Variants in ATP8B2 observed in about 807,000 individuals in gnomAD.
The protein encoded by ATP8B2 is phospholipid-transporting ATPase ID.
A neutral mutation model predicts 133.4 loss-of-function variants in ATP8B2; 70 were observed. The ratio of observed to expected loss-of-function variants is 0.52; its 90% CI spans 0.43 to 0.64. The LOEUF (loss-of-function observed/expected upper bound fraction) is 0.64. Among genes scored for constraint, ATP8B2 ranks in the 30% least tolerant of loss-of-function variants. The probability of loss-of-function intolerance (pLI) is 0.00; values close to 1 mark genes in which losing one functional copy is unlikely to be tolerated. For synonymous variants in ATP8B2, 517 were observed against 589.5 expected (o/e 0.88, Z 1.78); for missense variants, 1,101 against 1,535.7 (o/e 0.72, Z 4.73).
At position 154,325,589 on chromosome 1, in the gene ATP8B2, C is replaced by T. The variant is rs915627217; in HGVS notation, c.-151C>T. 1 of 151,908 alleles carries T rather than the reference C, an allele frequency of 6.6e-6. No homozygotes were observed. The highest frequency in any genetic ancestry group is 2.4e-5 in the African/African-American group (1 of 41,392). The allele number at this position is 151,908 out of a possible 1,614,324, so 9.4% of individuals were successfully genotyped here. On this transcript the variant is annotated 5_prime_UTR_variant, in exon 1 of 28. Transcript: ENST00000368489. Reference sequence around the variant, plus strand: ...GGGCCGAGGCCCCGGGGGAGCGGGGCCGCAGCTGGGGGGGCGGGAGCCCGT... The same window carrying T: ...GGGCCGAGGCCCCGGGGGAGCGGGGTCGCAGCTGGGGGGGCGGGAGCCCGT...
At chr1:154,338,931 G>A (rs1307833012) in intron 12 of ATP8B2, 2 of 152,284 alleles carry the variant, frequency 1.3e-5, no homozygotes, top group Non-Finnish European at 2.9e-5. Flanking sequence ...TAAAGAGAAT[G>A]TTAGCAGGGA....
intron 13 of ATP8B2, 33 bp from the exon 14 acceptor site, chr1:154,342,447 C>T (rs1399981385): frequency 6.2e-6 from 10 of 1,610,386 alleles, no homozygotes; most frequent in Non-Finnish European, 8.5e-6. Flanking sequence ...CTGGCTCTGA[C>T]ATTGCTTCTT....
chr1:154,326,953 C>T (rs556007540), intron 1 of ATP8B2, among the ~76,000 whole-genome samples: 1 of 152,240 alleles, frequency 6.6e-6, no homozygotes, highest in East Asian at 1.9e-4. Context: ...GTTTTTCTTC[C>T]TGAGCCAGGC....
rs1686227694 is a variant in ATP8B2, at chr1:154,337,466, CCTT to C, written c.962_964del (p.Phe321del). 1.2e-6 allele frequency: 2 copies of C among 1,614,048 alleles called. No homozygotes were observed. The highest frequency in any genetic ancestry group is 1.7e-6 in the Non-Finnish European group (2 of 1,180,038). ...CCGTGGGATGAGGCAGTGGACAGTG[CCTT>C]CTTCTCTGGCTTCCTCTCCTTCTGG... On this transcript the variant is annotated inframe_deletion, in exon 12 of 28. Coordinates refer to ENST00000368489, the MANE Select transcript of ATP8B2 (RefSeq NM_001370597.1).
At position 154,328,126 on chromosome 1, in the gene ATP8B2, G is replaced by A. The variant is rs764993279; in HGVS notation, c.-16G>A. On this transcript the variant is annotated 5_prime_UTR_variant, in exon 2 of 28. Transcript: ENST00000368489. The surrounding 1 kb of genome is among the most constrained non-coding windows in gnomAD (Gnocchi z 4.6). ...GCAGGGTCTCCCATGGGATTGCTGG[G>A]ATCTTGCTGGGTGAGATGGCAGTGT... 3 of 1,614,158 alleles carry A rather than the reference G, an allele frequency of 1.9e-6. No homozygotes were observed. The highest frequency in any genetic ancestry group is 2.5e-6 in the Non-Finnish European group (3 of 1,180,014).
At chr1:154,342,391 T>A in intron 13 of ATP8B2, 89 bp from the exon 14 acceptor site, 1 of 1,329,746 alleles carries the variant, frequency 7.5e-7, no homozygotes, top group Admixed American at 1.7e-5. Flanking sequence ...GCTCAGTGCC[T>A]ACGGGGATTC....
chr1:154,339,938 T>A (rs1023629501), intron 12 of ATP8B2, among the ~76,000 whole-genome samples: 10 of 152,026 alleles, frequency 6.6e-5, no homozygotes, highest in African/African-American at 2.4e-4. Flanking sequence ...TCCCAGCACT[T>A]TGGGCGGTGG....
chr1:154,346,636 G>A lies in ATP8B2; in HGVS notation c.3041G>A (p.Gly1014Asp). The A allele has an allele frequency of 6.2e-7, 1 of 1,614,202 alleles. No individual in the cohort carries two copies. Among genetic ancestry groups the A allele is most frequent in the South Asian group, 1.1e-5 (1 of 91,092 alleles). The change falls in exon 26 of 28, where the codon GGC (glycine) becomes GAC (aspartate). Residue 1014 changes from glycine to aspartate, a missense_variant. By Grantham distance (94) the Gly-to-Asp change is moderately conservative (BLOSUM62 -1). Coordinates refer to ENST00000368489, the MANE Select transcript of ATP8B2 (RefSeq NM_001370597.1). This position sits in a 1 kb window ranked among gnomAD's most constrained non-coding sequence, Gnocchi z 4.5. ...VVSVQIGLDT[G>D]YWTAINHFFI... ...TTTCTGCAGATTGGGCTCGACACAG[G>A]CTACTGGACGGCCATCAACCACTTC...
intron 1 of ATP8B2, among the ~76,000 whole-genome samples, chr1:154,326,917 C>T (rs948174668): frequency 6.6e-6 from 1 of 152,116 alleles, no homozygotes; most frequent in African/African-American, 2.4e-5. Flanking sequence ...TGGAGGAGGG[C>T]TTGGCATCTC....
At chr1:154,327,800 ATGGAT>A in intron 1 of ATP8B2, 1 of 1,613,510 alleles carries the variant, frequency 6.2e-7, no homozygotes, top group Admixed American at 1.7e-5. Flanking sequence ...TGTCCCTGGG[ATGGAT>A]ACCTTGAGAG....
At chr1:154,342,759 C>T in intron 14 of ATP8B2, 37 bp from the exon 15 acceptor site, 1 of 1,606,938 alleles carries the variant, frequency 6.2e-7, no homozygotes, top group Non-Finnish European at 8.5e-7. Context: ...CAGCCTGGCA[C>T]TCTAGCCTTT....
Position 154,334,667 on chromosome 1 carries a change from T to G in ATP8B2, c.837+76T>G, listed in dbSNP as rs1686114627. 1 of 1,325,610 alleles carries G rather than the reference T, an allele frequency of 7.5e-7. No homozygotes were observed. The highest frequency in any genetic ancestry group is 1.2e-5 in the South Asian group (1 of 80,788). The allele number at this position is 1,325,610 out of a possible 1,614,324, so 82.1% of individuals were successfully genotyped here. ...GTGCTCCTTTTCCTTTCCTCTTTCT[T>G]CTTTGGTCAGTAGACTTCAGGTTTG... is the stretch of plus-strand genomic sequence containing the variant. On this transcript the variant is annotated intron_variant, in intron 11 of 27. Coordinates refer to ENST00000368489, the MANE Select transcript of ATP8B2 (RefSeq NM_001370597.1). This position sits in a 1 kb window ranked among gnomAD's most constrained non-coding sequence, Gnocchi z 4.6.
chr1:154,332,844 T>G, intron 9 of ATP8B2, 147 bp downstream of exon 9: 1 of 637,162 alleles, frequency 1.6e-6, no homozygotes, highest in South Asian at 2.1e-5. Flanking sequence ...GTTTGTAATG[T>G]CATGTGGCTC....
rs1263034769 is a variant in ATP8B2, at chr1:154,350,577, C to T, written c.*1459C>T. 1 of 152,250 alleles carries T rather than the reference C, an allele frequency of 6.6e-6. No individual in the cohort carries two copies. Among genetic ancestry groups the T allele is most frequent in the Admixed American group, 6.5e-5 (1 of 15,286 alleles). 9.4% of individuals were successfully genotyped at this position (152,250 alleles called of 1,614,324 possible). On this transcript the variant is annotated 3_prime_UTR_variant, in exon 28 of 28. Coordinates refer to ENST00000368489, the MANE Select transcript of ATP8B2 (RefSeq NM_001370597.1). Reference sequence around the variant, plus strand: ...CTCCCTTCTTCAGTAAGCAAGGAGCCCCGCCCCTCAGGCCCAGCCTCTGGC... The same window carrying T: ...CTCCCTTCTTCAGTAAGCAAGGAGCTCCGCCCCTCAGGCCCAGCCTCTGGC...
rs761071147 is a variant in ATP8B2 at position 154,349,095 on chromosome 1, G to A, written c.3550G>A (p.Ala1184Thr). 1 of 1,614,052 alleles carries A rather than the reference G, an allele frequency of 6.2e-7. No homozygotes were observed. The highest frequency in any genetic ancestry group is 1.1e-5 in the South Asian group (1 of 91,080). ...SDSASSPSGG[A>T]DKPLKG ...CAGTGCCAGTAGCCCCAGTGGCGGT[G>A]CCGACAAGCCCCTCAAGGGCTGAAG... Residue 1184 changes from alanine to threonine, a missense_variant, in exon 28 of 28, where the codon GCC becomes ACC. Transcript: ENST00000368489.
chr1:154,330,573 C>T (rs1227825852), intron 3 of ATP8B2, 119 bp downstream of exon 3: 1 of 1,033,022 alleles, frequency 9.7e-7, no homozygotes, highest in African/African-American at 1.6e-5. Flanking sequence ...GGGGAAGCAA[C>T]CTCCTCAGCC....
intron 2 of ATP8B2, among the ~76,000 whole-genome samples, chr1:154,330,053 T>C (rs1482173841): frequency 6.6e-6 from 1 of 152,028 alleles, no homozygotes; most frequent in Non-Finnish European, 1.5e-5. Flanking sequence ...ATGTATGCAT[T>C]AGTAATAGCA....
rs748460527 is a variant in ATP8B2, at chr1:154,344,275, A to C, written c.2035+21A>C. 1.1e-5 allele frequency: 17 copies of C among 1,614,174 alleles called. No homozygotes were observed. The highest frequency in any genetic ancestry group is 1.4e-5 in the Non-Finnish European group (17 of 1,179,984). The stretch of plus-strand genomic sequence containing the variant: ...GCAAGGTGAGAGCCCAGCAGGGCAG[A>C]GCCAGTTGCAACTGACAGTAGCCCT... On this transcript the variant is annotated intron_variant, in intron 19 of 27. Coordinates refer to ENST00000368489, the MANE Select transcript of ATP8B2 (RefSeq NM_001370597.1). This position sits in a 1 kb window ranked among gnomAD's most constrained non-coding sequence, Gnocchi z 4.1.
chr1:154,333,183 C>T (rs969817253), intron 9 of ATP8B2, among the ~76,000 whole-genome samples: 1 of 152,096 alleles, frequency 6.6e-6, no homozygotes, highest in Admixed American at 6.6e-5. Flanking sequence ...CGTGGTGCTG[C>T]ATGCCTGTAA....
Sources: allele counts gnomAD v4.1 joint callset (sites outside exome capture counted in the v4.1 genomes callset), GRCh38; gene constraint gnomAD v4.1.1; non-coding constraint Gnocchi (gnomAD v3.1); transcripts MANE v1.5; gene names NCBI Gene and HGNC (gene_info 2026-07-23, HGNC 2026-07-21).